Variants in BNC2 observed in about 807,000 individuals in gnomAD.
The protein encoded by BNC2 is basonuclin zinc finger protein 2, also known as zinc finger protein basonuclin-2.
A neutral mutation model predicts 76.3 loss-of-function variants in BNC2; 20 were observed. The ratio of observed to expected loss-of-function variants is 0.26; its 90% CI spans 0.18 to 0.38. The LOEUF is 0.38. Among genes scored for constraint, BNC2 ranks in the 10% least tolerant of loss-of-function variants. The pLI is 1.00. For missense variants in BNC2, 1,382 were observed against 1,399.8 expected, an observed-to-expected ratio of 0.99 and a Z score of 0.20; for synonymous variants, 582 against 514.8, an observed-to-expected ratio of 1.13 and a Z score of -1.77.
chr9:16,591,630 T>G (rs180786920), intron 3 of BNC2, among the ~76,000 whole-genome samples: 64 of 152,318 alleles, frequency 4.2e-4, no homozygotes, highest in African/African-American at 1.5e-3. Context: ...AAACTGATTA[T>G]AAATGTTAAG....
At chr9:16,665,455 AAAG>A (rs574958707) in intron 3 of BNC2, among the ~76,000 whole-genome samples, 6 of 117,504 alleles carry the variant, frequency 5.1e-5, no homozygotes, top group South Asian at 7.4e-4. Context: ...AGAAAGAAAG[AAAG>A]AAAGAAAGAA....
At chr9:16,633,584 T>A (rs1821230289) in intron 3 of BNC2, among the ~76,000 whole-genome samples, 1 of 152,238 alleles carries the variant, frequency 6.6e-6, no homozygotes, top group African/African-American at 2.4e-5. Context: ...ATTCTTGGTT[T>A]GTTTTCAACT....
chr9:16,869,815 A>G (rs576272477), intron 1 of BNC2, among the ~76,000 whole-genome samples: 1 of 152,194 alleles, frequency 6.6e-6, no homozygotes, highest in East Asian at 1.9e-4. Flanking sequence ...CATCTCCTCC[A>G]CCACTTGCAC....
At chr9:16,557,140 A>T (rs893890518) in intron 4 of BNC2, among the ~76,000 whole-genome samples, 5 of 152,116 alleles carry the variant, frequency 3.3e-5, no homozygotes, top group African/African-American at 1.2e-4. Flanking sequence ...AAAAGATGTC[A>T]CCTACTTTAA....
intron 1 of BNC2, among the ~76,000 whole-genome samples, chr9:16,774,201 C>T (rs572687418): frequency 2.0e-5 from 3 of 152,110 alleles, no homozygotes; most frequent in Non-Finnish European, 4.4e-5. Context: ...AGGCTGGTCT[C>T]GAACGCCTGA....
chr9:16,552,974 A>T, intron 4 of BNC2, among the ~76,000 whole-genome samples: 1 of 152,062 alleles, frequency 6.6e-6, no homozygotes, highest in Non-Finnish European at 1.5e-5. Context: ...TATTTTTTTA[A>T]TTGGATGTGT....
At chr9:16,428,414 C>T (rs1304058809) in intron 6 of BNC2, among the ~76,000 whole-genome samples, 1 of 152,084 alleles carries the variant, frequency 6.6e-6, no homozygotes, top group African/African-American at 2.4e-5. Flanking sequence ...TCTTATTTCC[C>T]ATCAATGTGA....
intron 1 of BNC2, among the ~76,000 whole-genome samples, chr9:16,760,189 A>G (rs115980742): frequency 0.013 from 2,048 of 152,296 alleles, 46 homozygotes; most frequent in African/African-American, 0.046. Context: ...TTTTAAAACT[A>G]AGCCAAAAAA....
intron 3 of BNC2, among the ~76,000 whole-genome samples, chr9:16,705,692 T>TA (rs1440513399): frequency 6.6e-6 from 1 of 152,160 alleles, no homozygotes; most frequent in Non-Finnish European, 1.5e-5. Flanking sequence ...TTGGACTTTT[T>TA]AAAAAACAAA....
At chr9:16,646,645 G>A (rs530142675) in intron 3 of BNC2, among the ~76,000 whole-genome samples, 5 of 152,192 alleles carry the variant, frequency 3.3e-5, no homozygotes, top group African/African-American at 9.6e-5. Context: ...AAAATGATAC[G>A]TACTTTGGTT....
intron 3 of BNC2, among the ~76,000 whole-genome samples, chr9:16,614,958 TAAAAAAAAAAAAA>T (rs60545823): frequency 3.2e-5 from 2 of 62,520 alleles, no homozygotes; most frequent in African/African-American, 1.3e-4. Context: ...TCTGTCTCTT[TAAAAAAAAAAAAA>T]AAAAAAAAAA....
chr9:16,852,957 A>G (rs1819163032), intron 1 of BNC2, among the ~76,000 whole-genome samples: 1 of 152,154 alleles, frequency 6.6e-6, no homozygotes, highest in Non-Finnish European at 1.5e-5. Flanking sequence ...GGTCACAAAC[A>G]TTACATATCC....
intron 1 of BNC2, among the ~76,000 whole-genome samples, chr9:16,831,289 T>G (rs377386635): frequency 3.3e-5 from 5 of 152,192 alleles, no homozygotes; most frequent in Admixed American, 2.6e-4. Flanking sequence ...ATGTGCACAT[T>G]TGCACAATGA....
intron 4 of BNC2, among the ~76,000 whole-genome samples, chr9:16,582,338 G>A: frequency 6.6e-6 from 1 of 152,030 alleles, no homozygotes; most frequent in Non-Finnish European, 1.5e-5. Context: ...TGTGCACCTG[G>A]CAAAAACCCT....
chr9:16,498,791 G>C (rs1822455155), intron 5 of BNC2, among the ~76,000 whole-genome samples: 1 of 151,736 alleles, frequency 6.6e-6, no homozygotes, highest in Non-Finnish European at 1.5e-5. Context: ...CGACAATGAA[G>C]AAGCCTGGAT....
Position 16,471,721 on chromosome 9 carries a change from T to C in BNC2, c.670-34197A>G, listed in dbSNP as rs149156123. On this transcript the variant is annotated intron_variant, in intron 5 of 6. Coordinates refer to ENST00000380672, the MANE Select transcript of BNC2 (RefSeq NM_017637.6). The stretch of plus-strand genomic sequence containing the variant: ...ACTTTGGGGGACTGCTGGGAAGGCA[T>C]GACTGGTTTTGAAATGTGAGGACAT... Among the ~76,000 whole-genome samples the C allele has an allele frequency of 4.2e-3, 638 of 152,242 alleles. 1 individual carries two copies. Among genetic ancestry groups the C allele is most frequent in the Middle Eastern group, 0.017 (5 of 294 alleles).
intron 1 of BNC2, among the ~76,000 whole-genome samples, chr9:16,779,131 A>AAAAAAGG (rs1563939181): frequency 2.4e-4 from 2 of 8,184 alleles, no homozygotes; most frequent in Non-Finnish European, 1.1e-3. Flanking sequence ...AAAAAAAAAA[A>AAAAAAGG]AAAGAAAAGA....
intron 4 of BNC2, among the ~76,000 whole-genome samples, chr9:16,576,085 C>A (rs1819476741): frequency 6.6e-6 from 1 of 152,190 alleles, no homozygotes; most frequent in South Asian, 2.1e-4. Context: ...CACTGCTAAG[C>A]ATGTACTTCC....
chr9:16,731,995 A>G (rs1246967085), intron 2 of BNC2, among the ~76,000 whole-genome samples: 1 of 152,090 alleles, frequency 6.6e-6, no homozygotes, highest in East Asian at 1.9e-4. Context: ...TGGGATAACA[A>G]GACTATAGGG....
Sources: gnomAD v4.1 joint callset for allele counts (sites outside exome capture counted in the v4.1 genomes callset) on GRCh38, gnomAD v4.1.1 for gene constraint, MANE v1.5 for transcripts, NCBI Gene and HGNC (gene_info 2026-07-23, HGNC 2026-07-21) for gene names.